ADIPOR2: variants seen among roughly 807,000 people sequenced by gnomAD.
ADIPOR2 encodes the protein adiponectin receptor protein 2.
Under a neutral mutation model 40.9 loss-of-function variants are expected in ADIPOR2, and 18 were observed. That is an observed-to-expected ratio of 0.44 (90% CI 0.30 to 0.65). The LOEUF (loss-of-function observed/expected upper bound fraction) is 0.65, where lower values mean the gene tolerates loss of function less well. Ranked by LOEUF, ADIPOR2 falls within the 30% of genes least tolerant of loss-of-function variation. ADIPOR2 has a pLI of 0.09. For synonymous variants in ADIPOR2, 165 were observed against 166.4 expected (o/e 0.99, Z 0.06); for missense variants, 283 against 479.2 (o/e 0.59, Z 3.82).
rs191899682 is a variant in ADIPOR2 at position 1,786,915 on chromosome 12, T to C, written c.*843T>C. ...TGTTAGATAAAGGCTCTAGTTAGGG[T>C]GTCATTGTCATTTGAGAGACTGACA... On this transcript the variant is annotated 3_prime_UTR_variant, in exon 8 of 8. Transcript: ENST00000357103. The C allele has an allele frequency of 6.6e-6, 1 of 152,158 alleles. No individual in the cohort carries two copies. The highest frequency in any genetic ancestry group is 2.4e-5 in the African/African-American group (1 of 41,486). The allele number at this position is 152,158 out of a possible 1,614,324, so 9.4% of individuals were successfully genotyped here.
At chr12:1,784,361 C>G (rs1372939768) in intron 7 of ADIPOR2, among the ~76,000 whole-genome samples, 1 of 152,212 alleles carries the variant, frequency 6.6e-6, no homozygotes, top group East Asian at 1.9e-4. Context: ...TTTTACAAAG[C>G]AGGAGACTAA....
intron 1 of ADIPOR2, among the ~76,000 whole-genome samples, chr12:1,732,873 C>T (rs1034941216): frequency 1.3e-5 from 2 of 151,998 alleles, no homozygotes; most frequent in African/African-American, 4.8e-5. Flanking sequence ...TAATTGCTTC[C>T]ATTTTCCCCT....
At chr12:1,720,729 A>G (rs1731175106) in intron 1 of ADIPOR2, among the ~76,000 whole-genome samples, 1 of 152,202 alleles carries the variant, frequency 6.6e-6, no homozygotes, top group African/African-American at 2.4e-5. Context: ...CAGGTTCCTA[A>G]CAGGCTATGG....
At chr12:1,758,096 A>C in intron 2 of ADIPOR2, 1 of 559,310 alleles carries the variant, frequency 1.8e-6, no homozygotes, top group South Asian at 2.2e-5. Context: ...ATTTACATTA[A>C]TTGATTTTTT....
intron 2 of ADIPOR2, among the ~76,000 whole-genome samples, chr12:1,766,040 T>C (rs1019961673): frequency 1.3e-5 from 2 of 152,168 alleles, no homozygotes; most frequent in Non-Finnish European, 2.9e-5. Flanking sequence ...TGTTGGCACT[T>C]TGGACTTGAG....
intron 1 of ADIPOR2, among the ~76,000 whole-genome samples, chr12:1,702,605 C>G (rs1404817616): frequency 7.2e-6 from 1 of 138,866 alleles, no homozygotes; most frequent in East Asian, 2.8e-4. Flanking sequence ...ATTGGCTGTT[C>G]TTTTCCTTCC....
chr12:1,702,527 T>G (rs937060788), intron 1 of ADIPOR2, among the ~76,000 whole-genome samples: 2 of 152,174 alleles, frequency 1.3e-5, no homozygotes, highest in African/African-American at 4.8e-5. Context: ...GTCTTAATTT[T>G]TATTTTTGAT....
At chr12:1,749,851 T>TG (rs2094765136) in intron 1 of ADIPOR2, among the ~76,000 whole-genome samples, 1 of 130,206 alleles carries the variant, frequency 7.7e-6, no homozygotes. Context: ...TTTTTTTTTT[T>TG]TGAGAAATGG....
At position 1,779,732 on chromosome 12, in the gene ADIPOR2, A is replaced by C. The variant is rs1048085277; in HGVS notation, c.464-719A>C. 2.0e-5 allele frequency among the ~76,000 whole-genome samples: 3 copies of C among 152,344 alleles called. 1 individual carries two copies. Among genetic ancestry groups the C allele is most frequent in the Admixed American group, 2.0e-4 (3 of 15,298 alleles). On this transcript the variant is annotated intron_variant, in intron 4 of 7. Coordinates refer to ENST00000357103, the MANE Select transcript of ADIPOR2 (RefSeq NM_024551.3). ...GAGAGGAGAGTAGAGGGTCAAATCA[A>C]GTTTGTTGCTGACTTCTAATTCAAG... is the stretch of plus-strand genomic sequence containing the variant.
At chr12:1,694,700 T>G (rs2094634370) in intron 1 of ADIPOR2, among the ~76,000 whole-genome samples, 1 of 152,200 alleles carries the variant, frequency 6.6e-6, no homozygotes. Context: ...TTTTCATCCT[T>G]TGTAGATAAC....
chr12:1,783,715 TC>T (rs1308346731), intron 6 of ADIPOR2, among the ~76,000 whole-genome samples, 164 bp from the exon 7 acceptor site: 1 of 152,216 alleles, frequency 6.6e-6, no homozygotes, highest in Non-Finnish European at 1.5e-5. Context: ...TGTGACAGTG[TC>T]CCAGAGTTTG....
chr12:1,780,719 A>G (rs1862697886), intron 5 of ADIPOR2, 82 bp downstream of exon 5: 21 of 1,422,532 alleles, frequency 1.5e-5, no homozygotes, highest in Admixed American at 1.3e-4. Context: ...AGTTGGCAGA[A>G]TTCTTAATAT....
At chr12:1,762,959 G>T (rs1222154984) in intron 2 of ADIPOR2, among the ~76,000 whole-genome samples, 1 of 152,182 alleles carries the variant, frequency 6.6e-6, no homozygotes, top group Non-Finnish European at 1.5e-5. Flanking sequence ...TTCCATAGAT[G>T]ATAAGAATTG....
chr12:1,719,618 A>G (rs1250032409), intron 1 of ADIPOR2, among the ~76,000 whole-genome samples: 1 of 151,954 alleles, frequency 6.6e-6, no homozygotes, highest in Non-Finnish European at 1.5e-5. Context: ...TGTAGTAAAC[A>G]CTCAGAGCAT....
intron 1 of ADIPOR2, among the ~76,000 whole-genome samples, chr12:1,699,065 G>C (rs908150349): frequency 3.9e-5 from 6 of 152,098 alleles, no homozygotes; most frequent in African/African-American, 9.7e-5. Context: ...CTTGGCTCTT[G>C]AAAGCATATG....
At chr12:1,770,351 A>G (rs1265061427) in intron 2 of ADIPOR2, among the ~76,000 whole-genome samples, 1 of 152,226 alleles carries the variant, frequency 6.6e-6, no homozygotes, top group Non-Finnish European at 1.5e-5. Context: ...ACATATCTGT[A>G]GTTTTGAAAT....
At chr12:1,752,475 CTG>C (rs988681590) in intron 1 of ADIPOR2, among the ~76,000 whole-genome samples, 1 of 152,080 alleles carries the variant, frequency 6.6e-6, no homozygotes, top group Non-Finnish European at 1.5e-5. Flanking sequence ...GATCCTGACT[CTG>C]TAGTTTTCTT....
intron 1 of ADIPOR2, chr12:1,697,107 A>G (rs762763397): frequency 6.6e-6 from 1 of 152,246 alleles, no homozygotes; most frequent in African/African-American, 2.4e-5. Flanking sequence ...ATTTCTGCCA[A>G]TCTGGAGATA....
intron 1 of ADIPOR2, among the ~76,000 whole-genome samples, chr12:1,727,373 C>G (rs1042873481): frequency 6.6e-6 from 1 of 152,160 alleles, no homozygotes; most frequent in Non-Finnish European, 1.5e-5. Context: ...TGAGAACATA[C>G]TTTTTAAAGA....
Sources: allele counts gnomAD v4.1 joint callset (sites outside exome capture counted in the v4.1 genomes callset), GRCh38; gene constraint gnomAD v4.1.1; transcripts MANE v1.5; gene names NCBI Gene and HGNC (gene_info 2026-07-23, HGNC 2026-07-21).